Variants in CASR observed in about 807,000 individuals in gnomAD.
CASR encodes the protein calcium sensing receptor.
CASR carries 23 observed loss-of-function variants against 69.1 expected under a neutral mutation model. The observed-to-expected ratio is 0.33, with a 90% CI of 0.24 to 0.47. CASR has a LOEUF of 0.47. Among genes scored for constraint, CASR ranks in the 20% least tolerant of loss-of-function variants. CASR has a pLI of 1.00. For synonymous variants in CASR, 541 were observed against 544.7 expected (o/e 0.99, Z 0.10); for missense variants, 924 against 1,356.1 (o/e 0.68, Z 5.00).
At chr3:122,271,824 C>T (rs958042801) in intron 4 of CASR, among the ~76,000 whole-genome samples, 1 of 152,162 alleles carries the variant, frequency 6.6e-6, no homozygotes, top group Non-Finnish European at 1.5e-5. Context: ...TTTGGACTTT[C>T]CTGGATATTT....
intron 4 of CASR, among the ~76,000 whole-genome samples, chr3:122,265,566 A>C (rs1286170770): frequency 6.6e-6 from 1 of 152,236 alleles, no homozygotes; most frequent in African/African-American, 2.4e-5. Context: ...AGTGAATAGC[A>C]GTCTAGTTGA....
At chr3:122,283,430 G>C (rs943854481) in intron 6 of CASR, among the ~76,000 whole-genome samples, 1 of 152,188 alleles carries the variant, frequency 6.6e-6, no homozygotes, top group Admixed American at 6.5e-5. Context: ...TGAAACAAGG[G>C]CCTCACCCAT....
At position 122,290,100 on chromosome 3, in the gene CASR, A is replaced by G; in HGVS notation, c.*4909A>G. ...CCTGCCAAAAAAAAAAAAAAAGAAG[A>G]AGAAAAACAATTTTATTGGTAGAGG... On this transcript the variant is annotated 3_prime_UTR_variant, in exon 7 of 7. Coordinates refer to ENST00000639785, the MANE Select transcript of CASR (RefSeq NM_000388.4). 6.6e-6 allele frequency: 1 copy of G among 151,972 alleles called. No individual in the cohort carries two copies. Among genetic ancestry groups the G allele is most frequent in the Non-Finnish European group, 1.5e-5 (1 of 68,076 alleles). 9.4% of individuals were successfully genotyped at this position (151,972 alleles called of 1,614,324 possible). A position where few individuals can be genotyped will look rare whatever the true frequency, so the allele number is the denominator to read the frequency against.
intron 1 of CASR, among the ~76,000 whole-genome samples, chr3:122,209,170 A>C (rs1380414890): frequency 6.6e-6 from 1 of 152,102 alleles, no homozygotes; most frequent in African/African-American, 2.4e-5. Context: ...TTTCCAGTTG[A>C]TGCTGATGCT....
intron 1 of CASR, among the ~76,000 whole-genome samples, chr3:122,208,665 T>G (rs2074032542): frequency 6.6e-6 from 1 of 152,202 alleles, no homozygotes; most frequent in Non-Finnish European, 1.5e-5. Flanking sequence ...GGATGTTGAA[T>G]TTTATCAATT....
intron 1 of CASR, among the ~76,000 whole-genome samples, chr3:122,214,208 T>C (rs2074094588): frequency 6.6e-6 from 1 of 152,200 alleles, no homozygotes; most frequent in Non-Finnish European, 1.5e-5. Flanking sequence ...GAAGATTCTT[T>C]AATGGAGCGT....
chr3:122,244,431 A>G (rs1385194991), intron 1 of CASR, among the ~76,000 whole-genome samples: 1 of 118,866 alleles, frequency 8.4e-6, no homozygotes, highest in Non-Finnish European at 1.8e-5. Context: ...ATCATAGGAA[A>G]ATACTATACA....
intron 1 of CASR, among the ~76,000 whole-genome samples, chr3:122,187,690 A>G (rs752767163): frequency 1.9e-4 from 29 of 152,224 alleles, no homozygotes; most frequent in Non-Finnish European, 1.8e-4. Flanking sequence ...GAGTGACACC[A>G]GGTAGACAAA....
rs556821251 is a variant in CASR, at chr3:122,211,957, T to C, written c.-243+28145T>C. 2.0e-4 allele frequency among the ~76,000 whole-genome samples: 31 copies of C among 152,290 alleles called. No individual in the cohort carries two copies. In the South Asian group the frequency reaches 6.4e-3, roughly 32 times the overall value. ...AGAAATAGGAATGCTTTTACATTGT[T>C]AGTGTAATGCAAATTAGTTCAACCA... On this transcript the variant is annotated intron_variant, in intron 1 of 6. Coordinates refer to ENST00000639785, the MANE Select transcript of CASR (RefSeq NM_000388.4).
intron 4 of CASR, among the ~76,000 whole-genome samples, chr3:122,270,732 C>A (rs1228467291): frequency 6.6e-6 from 1 of 152,106 alleles, no homozygotes; most frequent in African/African-American, 2.4e-5. Context: ...TACGTTCCAA[C>A]TTTCCTTTTG....
rs548435922 is a variant in CASR at position 122,234,837 on chromosome 3, C to T, written c.-242-19111C>T. Among the ~76,000 whole-genome samples, 6 of 152,326 alleles carry T rather than the reference C, an allele frequency of 3.9e-5. No individual in the cohort carries two copies. In the East Asian group the frequency reaches 7.7e-4, roughly 20 times the overall value. On this transcript the variant is annotated intron_variant, in intron 1 of 6. Coordinates refer to ENST00000639785, the MANE Select transcript of CASR (RefSeq NM_000388.4). ...CCGGACCAGCTTCGGGTGTCATTAG[C>T]AACAGAGAATCTTCTCATAGAGACA...
chr3:122,284,857 T>C lies in CASR; in HGVS notation c.2903T>C (p.Phe968Ser), dbSNP rs2107651496. The change falls in exon 7 of 7, where the codon TTT (phenylalanine) becomes TCT (serine). Residue 968 changes from phenylalanine (F) to serine (S), a missense_variant. Phe to Ser is a radical substitution (Grantham distance 155). Around this residue, in one of 8 missense-constraint regions of CASR, gnomAD observed 201 missense variants for 228.8 expected, o/e 0.88. Transcript: ENST00000639785. ...QQPRCKQKVI[F>S]GSGTVTFSLS... ...CCCAGATGCAAGCAGAAGGTCATCT[T>C]TGGCAGCGGCACGGTCACCTTCTCA... 1 of 1,614,172 alleles carries C rather than the reference T, an allele frequency of 6.2e-7. No individual in the cohort carries two copies. Among genetic ancestry groups the C allele is most frequent in the South Asian group, 1.1e-5 (1 of 91,086 alleles).
At chr3:122,252,406 G>GGAAGGAAGGAAAAAGAAA (rs1553765651) in intron 1 of CASR, among the ~76,000 whole-genome samples, 6 of 5,654 alleles carry the variant, frequency 1.1e-3, no homozygotes, top group Non-Finnish European at 1.7e-3. Context: ...AAGGAAGGAA[G>GGAAGGAAGGAAAAAGAAA]GAAAAAGAAA....
chr3:122,247,741 A>G (rs1484781410), intron 1 of CASR: 2 of 152,252 alleles, frequency 1.3e-5, no homozygotes, highest in African/African-American at 4.8e-5. Flanking sequence ...CCTGTCTTCA[A>G]GGAGCTCAGG....
In CASR at chr3:122,286,389, T is replaced by C. The variant is rs10190; in HGVS notation, c.*1198T>C. On this transcript the variant is annotated 3_prime_UTR_variant, in exon 7 of 7. Transcript: ENST00000639785. ...TTTAAAATAAGGATAATAATCATTC[T>C]TTCCCCTCAGAGCTCTTATGTGGAT... 0.56 allele frequency: 84,888 copies of C among 152,066 alleles called. 26,185 individuals carry two copies. Among genetic ancestry groups the C allele is most frequent in the Middle Eastern group, 0.74 (217 of 294 alleles). The allele number at this position is 152,066 out of a possible 1,614,324, so 9.4% of individuals were successfully genotyped here.
In CASR at chr3:122,262,326, T is replaced by C; in HGVS notation, c.1291T>C (p.Leu431=). 6.2e-7 allele frequency: 1 copy of C among 1,614,108 alleles called. No homozygotes were observed. ...YLAVYSIAHA[L]QDIYTCLPGR... Reference sequence around the variant, plus strand: ...AGCAGTCTACTCCATTGCCCACGCCTTGCAAGATATATATACCTGCTTACC... The same window carrying C: ...AGCAGTCTACTCCATTGCCCACGCCCTGCAAGATATATATACCTGCTTACC... The change falls in exon 4 of 7, where the codon TTG becomes CTG. Residue 431 remains leucine (L), a synonymous_variant. Transcript: ENST00000639785.
intron 1 of CASR, among the ~76,000 whole-genome samples, chr3:122,250,551 A>C (rs1158245753): frequency 6.6e-6 from 1 of 152,212 alleles, no homozygotes; most frequent in East Asian, 1.9e-4. Context: ...ACAAGTGCCA[A>C]AACTGCTCAC....
At chr3:122,253,770 T>A (rs538598605) in intron 1 of CASR, among the ~76,000 whole-genome samples, 178 bp from the exon 2 acceptor site, 1 of 152,220 alleles carries the variant, frequency 6.6e-6, no homozygotes, top group Non-Finnish European at 1.5e-5. Context: ...ATATGGGCAA[T>A]TGACGTTTCC....
intron 1 of CASR, among the ~76,000 whole-genome samples, chr3:122,192,988 C>A (rs528482338): frequency 6.6e-6 from 1 of 152,142 alleles, no homozygotes; most frequent in East Asian, 1.9e-4. Context: ...TATGCTCAGT[C>A]AAGTTAAAAT....
Sources: gnomAD v4.1 joint callset for allele counts (sites outside exome capture counted in the v4.1 genomes callset) on GRCh38, gnomAD v4.1.1 for gene constraint, gnomAD v4.1.1 regional missense constraint, MANE v1.5 for transcripts, NCBI Gene and HGNC (gene_info 2026-07-23, HGNC 2026-07-21) for gene names.